The following PLXNA2 variants were observed in gnomAD, a reference collection of about 807,000 sequenced individuals.
PLXNA2 encodes the protein plexin-A2.
A neutral mutation model predicts 193.5 loss-of-function variants in PLXNA2; 91 were observed. The ratio of observed to expected loss-of-function variants is 0.47; its 90% CI spans 0.40 to 0.56. The LOEUF (loss-of-function observed/expected upper bound fraction) is 0.56, where lower values mean the gene tolerates loss of function less well. Among genes scored for constraint, PLXNA2 ranks in the 20% least tolerant of loss-of-function variants. PLXNA2 has a pLI of 0.00. For synonymous variants in PLXNA2, 997 were observed against 1,027.3 expected (o/e 0.97, Z 0.56); for missense variants, 1,995 against 2,503.2 (o/e 0.80, Z 4.33).
In PLXNA2 at chr1:208,223,192, A is replaced by AACTTTGGAT. The variant is rs3072114; in HGVS notation, c.-80-5191_-80-5190insATCCAAAGT. Among the ~76,000 whole-genome samples, 1,150 of 151,584 alleles carry AACTTTGGAT rather than the reference A, an allele frequency of 7.6e-3. 15 individuals are homozygous for AACTTTGGAT. Among genetic ancestry groups the AACTTTGGAT allele is most frequent in the South Asian group, 0.024 (115 of 4,794 alleles). ...TAATGAGTAGTGCCTTTAAAGCAGG[A>AACTTTGGAT]GAATGCTGAGGGAGATTATAAGATT... On this transcript the variant is annotated intron_variant, in intron 1 of 31. Transcript: ENST00000367033.
rs1175550274 is a variant in PLXNA2, at chr1:208,084,534, C to T, written c.2144G>A (p.Gly715Glu). The T allele has an allele frequency of 1.9e-6, 3 of 1,614,258 alleles. No individual in the cohort carries two copies. The highest frequency in any genetic ancestry group is 1.1e-5 in the South Asian group (1 of 91,092). ...CTTAAGGGTGATTGGCTTTACCTCC[C>T]CGACTGGAATCAAGATCTCCTCTGT... The part of the protein sequence containing the change: ...VPTEEILIPV[G>E]EVKPITLKAR... Residue 715 changes from glycine (G) to glutamate (E), a missense_variant, in exon 10 of 32, where the codon GGG (glycine) becomes GAG (glutamate). Gly to Glu is a moderately conservative substitution (Grantham distance 98, BLOSUM62 -2). Transcript: ENST00000367033.
intron 1 of PLXNA2, among the ~76,000 whole-genome samples, chr1:208,222,091 C>A (rs1671355641): frequency 6.6e-6 from 1 of 152,198 alleles, no homozygotes; most frequent in Non-Finnish European, 1.5e-5. Context: ...CAGCTCCTCA[C>A]CTCCATCCAT....
At chr1:208,169,863 G>T (rs1208789649) in intron 3 of PLXNA2, among the ~76,000 whole-genome samples, 1 of 152,016 alleles carries the variant, frequency 6.6e-6, no homozygotes, top group Non-Finnish European at 1.5e-5. Context: ...ACTTAGATTG[G>T]ATGAACTCTA....
At chr1:208,187,118 G>C (rs1433658709) in intron 3 of PLXNA2, among the ~76,000 whole-genome samples, 2 of 152,148 alleles carry the variant, frequency 1.3e-5, no homozygotes, top group Non-Finnish European at 2.9e-5. Flanking sequence ...TTTTGAACCA[G>C]AATTACATGC....
At position 208,103,142 on chromosome 1, in the gene PLXNA2, C is replaced by A; in HGVS notation, c.1607+5G>T. The A allele has an allele frequency of 6.2e-7, 1 of 1,611,256 alleles. No homozygotes were observed. Among genetic ancestry groups the A allele is most frequent in the Non-Finnish European group, 8.5e-7 (1 of 1,177,508 alleles). On this transcript the variant is annotated splice_donor_5th_base_variant and intron_variant, in intron 5 of 31. Coordinates refer to ENST00000367033, the MANE Select transcript of PLXNA2 (RefSeq NM_025179.4). Reference sequence around the variant, plus strand: ...AAACCCTTTTCCAGTATACCCCAAACTTACATGTTGTGCAGGGCACACCAG... The same window carrying A: ...AAACCCTTTTCCAGTATACCCCAAAATTACATGTTGTGCAGGGCACACCAG...
chr1:208,145,246 G>A (rs1278708670), intron 3 of PLXNA2, among the ~76,000 whole-genome samples: 2 of 152,116 alleles, frequency 1.3e-5, no homozygotes, highest in Non-Finnish European at 2.9e-5. Context: ...CCTCTGAAGG[G>A]AAAGTGTCCC....
chr1:208,104,157 T>C (rs1385476999), intron 4 of PLXNA2, among the ~76,000 whole-genome samples: 1 of 152,168 alleles, frequency 6.6e-6, no homozygotes, highest in Non-Finnish European at 1.5e-5. Context: ...TGTTAGGGCA[T>C]AGAGGTCCCC....
At chr1:208,050,857 A>G (rs1197774267) in intron 17 of PLXNA2, 152 bp downstream of exon 17, 4 of 620,624 alleles carry the variant, frequency 6.4e-6, no homozygotes, top group Non-Finnish European at 8.6e-6. Context: ...AGGTTTAGGT[A>G]TTTGGACCAT....
At chr1:208,215,028 T>C (rs1671080623) in intron 2 of PLXNA2, among the ~76,000 whole-genome samples, 1 of 152,016 alleles carries the variant, frequency 6.6e-6, no homozygotes, top group Non-Finnish European at 1.5e-5. Context: ...CTTTTTTTTT[T>C]CTGAGACAGG....
intron 15 of PLXNA2, among the ~76,000 whole-genome samples, chr1:208,051,918 A>G (rs1665275093): frequency 6.6e-6 from 1 of 152,124 alleles, no homozygotes; most frequent in Admixed American, 6.5e-5. Flanking sequence ...GTGCTGGCAA[A>G]TGGTAGGTGT....
At chr1:208,103,055 C>CTCTG (rs1667146885) in intron 5 of PLXNA2, 92 bp downstream of exon 5, 1 of 752,098 alleles carries the variant, frequency 1.3e-6, no homozygotes. Flanking sequence ...AGGACAATTC[C>CTCTG]TCTCTCTGCA....
At chr1:208,190,688 C>T (rs185377766) in intron 3 of PLXNA2, among the ~76,000 whole-genome samples, 11 of 152,284 alleles carry the variant, frequency 7.2e-5, no homozygotes, top group Non-Finnish European at 1.3e-4. Context: ...GAAAAGACAT[C>T]GCCAGATACT....
Position 208,065,811 on chromosome 1 carries a change from A to C in PLXNA2, c.2587-4974T>G, listed in dbSNP as rs115133332. Among the ~76,000 whole-genome samples, 630 of 152,306 alleles carry C rather than the reference A, an allele frequency of 4.1e-3. 4 individuals are homozygous for C. Among genetic ancestry groups the C allele is most frequent in the African/African-American group, 0.015 (610 of 41,566 alleles). On this transcript the variant is annotated intron_variant, in intron 12 of 31. Coordinates refer to ENST00000367033, the MANE Select transcript of PLXNA2 (RefSeq NM_025179.4). ...CCTGCACAGAAGCAGATTCAGAGCG[A>C]GACATCATCCTTTCACCCAAAATAA... is the stretch of plus-strand genomic sequence containing the variant.
rs1664357409 is a variant in PLXNA2, at chr1:208,026,885, A to G, written c.*358T>C. ...TTTCCCTTTTTCTTAAAAAAATTAA[A>G]TAAAGTTCTCATTATTTCCCCAATA... is the stretch of plus-strand genomic sequence containing the variant. On this transcript the variant is annotated 3_prime_UTR_variant, in exon 32 of 32. Transcript: ENST00000367033. The G allele has an allele frequency of 6.2e-6, 1 of 161,660 alleles. No individual in the cohort carries two copies. The highest frequency in any genetic ancestry group is 6.4e-5 in the Admixed American group (1 of 15,556). The allele number at this position is 161,660 out of a possible 1,614,324, so 10.0% of individuals were successfully genotyped here. A position where few individuals can be genotyped will look rare whatever the true frequency, so the allele number is the denominator to read the frequency against.
At chr1:208,188,210 T>A (rs1270939) in intron 3 of PLXNA2, among the ~76,000 whole-genome samples, 1 of 152,186 alleles carries the variant, frequency 6.6e-6, no homozygotes, top group South Asian at 2.1e-4. Context: ...TTACACCTAC[T>A]GTAGCCCAAA....
In PLXNA2 at chr1:208,101,796, A is replaced by G. The variant is rs1185736879; in HGVS notation, c.1607+1351T>C. ...TGAAGCTGGGAGGACAGAGTGGCGG[A>G]GGCATGGGGAGTAGGAGGTACCGCT... is the stretch of plus-strand genomic sequence containing the variant. On this transcript the variant is annotated intron_variant, in intron 5 of 31. Transcript: ENST00000367033. Among the ~76,000 whole-genome samples the G allele has an allele frequency of 2.6e-5, 4 of 152,288 alleles. 1 individual carries two copies. Among genetic ancestry groups the G allele is most frequent in the Middle Eastern group, 6.8e-3 (2 of 294 alleles).
At position 208,034,686 on chromosome 1, in the gene PLXNA2, T is replaced by C. The variant is rs961660148; in HGVS notation, c.4765-94A>G. ...TATTTCTAGAGGGTTATAAGATAGCTGTGGGGTAGAGAGCAAGGAGTACAG... is the reference window on the plus strand; with the variant it reads ...TATTTCTAGAGGGTTATAAGATAGCCGTGGGGTAGAGAGCAAGGAGTACAG... On this transcript the variant is annotated intron_variant, in intron 26 of 31. Coordinates refer to ENST00000367033, the MANE Select transcript of PLXNA2 (RefSeq NM_025179.4). 3.9e-6 allele frequency: 3 copies of C among 778,262 alleles called. No homozygotes were observed. The African/African-American group carries it at 5.1e-5, about 13-fold the overall frequency. The allele number at this position is 778,262 out of a possible 1,614,324, so 48.2% of individuals were successfully genotyped here.
chr1:208,229,862 G>T (rs969395345), intron 1 of PLXNA2, among the ~76,000 whole-genome samples: 8 of 152,224 alleles, frequency 5.3e-5, no homozygotes, highest in Non-Finnish European at 1.0e-4. Flanking sequence ...CCCTTGGAAG[G>T]TTCCAGAACA....
At chr1:208,064,155 C>G (rs998816755) in intron 12 of PLXNA2, among the ~76,000 whole-genome samples, 35 of 152,214 alleles carry the variant, frequency 2.3e-4, no homozygotes, top group Non-Finnish European at 7.3e-5. Context: ...CAGGCCCTAT[C>G]AGTTCTCACT....
Sources: gnomAD v4.1 joint callset for allele counts (sites outside exome capture counted in the v4.1 genomes callset) on GRCh38, gnomAD v4.1.1 for gene constraint, MANE v1.5 for transcripts, NCBI Gene and HGNC (gene_info 2026-07-23, HGNC 2026-07-21) for gene names.